Variants in CORO1C observed in about 807,000 individuals in gnomAD.
The protein encoded by CORO1C is coronin 1C, also known as coronin-1C.
A neutral mutation model predicts 51.2 loss-of-function variants in CORO1C; 14 were observed. The ratio of observed to expected loss-of-function variants is 0.27; its 90% CI spans 0.18 to 0.43. CORO1C has a LOEUF of 0.43. CORO1C is among the 20% of genes least tolerant of loss of function. The pLI, the probability that CORO1C is intolerant of heterozygous loss-of-function variation, is 1.00. For synonymous variants in CORO1C, 181 were observed against 210.5 expected, an observed-to-expected ratio of 0.86 and a Z score of 1.21; for missense variants, 417 against 607.8, an observed-to-expected ratio of 0.69 and a Z score of 3.30.
chr12:108,655,931 TGAG>T (rs1176047430), intron 6 of CORO1C, among the ~76,000 whole-genome samples: 1 of 150,286 alleles, frequency 6.7e-6, no homozygotes, highest in Non-Finnish European at 1.5e-5. Context: ...GTCTAGGAAG[TGAG>T]GAGCGTCTCT....
chr12:108,680,184 C>T (rs1565917258), intron 2 of CORO1C, among the ~76,000 whole-genome samples: 1 of 152,188 alleles, frequency 6.6e-6, no homozygotes, highest in Non-Finnish European at 1.5e-5. Context: ...GACATTTAAA[C>T]AGCCAATTAT....
At chr12:108,725,643 A>G (rs373716377) in intron 1 of CORO1C, among the ~76,000 whole-genome samples, 24 of 152,268 alleles carry the variant, frequency 1.6e-4, no homozygotes, top group South Asian at 8.3e-4. Flanking sequence ...TACAGAAGGT[A>G]CCCATAGCTC....
intron 6 of CORO1C, 54 bp from the exon 7 acceptor site, chr12:108,654,464 A>G: frequency 9.7e-7 from 1 of 1,034,328 alleles, no homozygotes; most frequent in African/African-American, 1.6e-5. Flanking sequence ...TTTTTTTAAA[A>G]ATAAATTTTT....
At chr12:108,709,130 T>C (rs1457500127) in intron 1 of CORO1C, among the ~76,000 whole-genome samples, 2 of 152,080 alleles carry the variant, frequency 1.3e-5, no homozygotes, top group Non-Finnish European at 2.9e-5. Flanking sequence ...TATATATATA[T>C]ACTATAAACC....
chr12:108,666,040 C>T (rs182161309), intron 3 of CORO1C, among the ~76,000 whole-genome samples: 4 of 152,332 alleles, frequency 2.6e-5, no homozygotes, highest in Admixed American at 2.0e-4. Flanking sequence ...CGCACTACTA[C>T]GAAATTAGCT....
At chr12:108,655,449 G>A (rs1044258122) in intron 6 of CORO1C, among the ~76,000 whole-genome samples, 1 of 144,306 alleles carries the variant, frequency 6.9e-6, no homozygotes, top group African/African-American at 2.6e-5. Context: ...GAAGCTGGAC[G>A]CTGCCATCTC....
chr12:108,685,841 G>A (rs981030596), intron 2 of CORO1C, among the ~76,000 whole-genome samples: 1 of 152,136 alleles, frequency 6.6e-6, no homozygotes, highest in Non-Finnish European at 1.5e-5. Flanking sequence ...CAGTATGGGG[G>A]TAGATGGCAT....
At chr12:108,714,981 G>T (rs951541997) in intron 1 of CORO1C, among the ~76,000 whole-genome samples, 5 of 152,108 alleles carry the variant, frequency 3.3e-5, no homozygotes, top group African/African-American at 9.7e-5. Flanking sequence ...GTAATGTGAC[G>T]CTATGAAAAT....
Position 108,647,532 on chromosome 12 carries a change from CA to C in CORO1C, c.1306-11del. The stretch of plus-strand genomic sequence containing the variant: ...ACTTGGCTTCATTTTGCTAAGAAAA[CA>C]AAAAAAGGAGGCAGTGATTAAAATG... On this transcript the variant is annotated splice_polypyrimidine_tract_variant and intron_variant, in intron 10 of 10. Coordinates refer to ENST00000261401, the MANE Select transcript of CORO1C (RefSeq NM_014325.4). 1.0e-5 allele frequency: 16 copies of C among 1,566,748 alleles called. No individual in the cohort carries two copies. Among genetic ancestry groups the C allele is most frequent in the Non-Finnish European group, 1.2e-5 (14 of 1,150,644 alleles).
chr12:108,661,950 C>T, intron 4 of CORO1C, 79 bp downstream of exon 4: 1 of 1,552,232 alleles, frequency 6.4e-7, no homozygotes, highest in Non-Finnish European at 8.9e-7. Context: ...AGCACACAAC[C>T]AAAACACATT....
intron 2 of CORO1C, among the ~76,000 whole-genome samples, chr12:108,685,864 C>T (rs561216736): frequency 6.6e-6 from 1 of 152,044 alleles, no homozygotes; most frequent in African/African-American, 2.4e-5. Context: ...TAAAGGTACA[C>T]TGATTATTTG....
intron 1 of CORO1C, among the ~76,000 whole-genome samples, chr12:108,706,970 G>A (rs2035048452): frequency 6.6e-6 from 1 of 152,012 alleles, no homozygotes; most frequent in South Asian, 2.1e-4. Context: ...AAAATACTTA[G>A]AAATAAACTT....
chr12:108,648,782 C>G lies in CORO1C; in HGVS notation c.1128G>C (p.Glu376Asp), dbSNP rs1233541269. 1.2e-6 allele frequency: 2 copies of G among 1,614,258 alleles called. No homozygotes were observed. The highest frequency in any genetic ancestry group is 2.2e-5 in the South Asian group (2 of 91,092). The change falls in exon 10 of 11, where the codon GAG becomes GAC. Residue 376 changes from glutamate (E) to aspartate (D), a missense_variant. Coordinates refer to ENST00000261401, the MANE Select transcript of CORO1C (RefSeq NM_014325.4). Reference protein sequence around the residue: ...AGPEAALEAEEWFEGKNADPI... With the variant: ...AGPEAALEAEDWFEGKNADPI... The stretch of plus-strand genomic sequence containing the variant: ...GGTCTGCATTCTTGCCTTCGAACCA[C>G]TCTTCTGCCTCCAGCGCGGCCTCTG...
chr12:108,659,007 A>G, intron 4 of CORO1C, 88 bp from the exon 5 acceptor site: 4 of 1,344,178 alleles, frequency 3.0e-6, no homozygotes, highest in Middle Eastern at 1.9e-4. Flanking sequence ...GAGAATACAC[A>G]TATGTATATG....
Position 108,647,035 on chromosome 12 carries a change from A to C in CORO1C, c.*368T>G. 8.2e-6 allele frequency: 1 copy of C among 122,462 alleles called. No individual in the cohort carries two copies. Among genetic ancestry groups the C allele is most frequent in the Non-Finnish European group, 1.6e-5 (1 of 63,482 alleles). The allele number at this position is 122,462 out of a possible 1,614,324, so 7.6% of individuals were successfully genotyped here. On this transcript the variant is annotated 3_prime_UTR_variant, in exon 11 of 11. Coordinates refer to ENST00000261401, the MANE Select transcript of CORO1C (RefSeq NM_014325.4). ...AAAAAGCAATGTGGCATTGGTCCCTATTCATTAAAAAAAAAAGGGTACTTG... is the reference window on the plus strand; with the variant it reads ...AAAAAGCAATGTGGCATTGGTCCCTCTTCATTAAAAAAAAAAGGGTACTTG...
chr12:108,724,457 T>C (rs2035541594), intron 1 of CORO1C, among the ~76,000 whole-genome samples: 1 of 152,138 alleles, frequency 6.6e-6, no homozygotes, highest in African/African-American at 2.4e-5. Context: ...GCCACCAAAG[T>C]CTCCTCATCT....
intron 3 of CORO1C, among the ~76,000 whole-genome samples, chr12:108,674,606 T>C (rs898104922): frequency 2.7e-5 from 4 of 149,694 alleles, no homozygotes; most frequent in African/African-American, 9.8e-5. Flanking sequence ...TTAGGTGACA[T>C]TAAGAAAATT....
intron 1 of CORO1C, among the ~76,000 whole-genome samples, chr12:108,708,811 G>A (rs2035101574): frequency 6.6e-6 from 1 of 151,868 alleles, no homozygotes. Flanking sequence ...TCAGTGTAGT[G>A]GTTCAATCAT....
intron 2 of CORO1C, among the ~76,000 whole-genome samples, chr12:108,694,575 C>G (rs1202237974): frequency 6.6e-6 from 1 of 152,080 alleles, no homozygotes; most frequent in Non-Finnish European, 1.5e-5. Context: ...TAACATTGCA[C>G]ATTATTTCCT....
Sources: allele counts gnomAD v4.1 joint callset (sites outside exome capture counted in the v4.1 genomes callset), GRCh38; gene constraint gnomAD v4.1.1; transcripts MANE v1.5; gene names NCBI Gene and HGNC (gene_info 2026-07-23, HGNC 2026-07-21).